The following ZNF600 variants were observed in gnomAD, a reference collection of about 807,000 sequenced individuals.
ZNF600 encodes zinc finger protein 600, also known as zinc finger protein KR-ZNF1.
Under a neutral mutation model 7.3 loss-of-function variants are expected in ZNF600, and 4 were observed. The ratio of observed to expected loss-of-function variants is 0.55; its 90% CI spans 0.27 to 1.25. ZNF600 has a LOEUF of 1.25. ZNF600 is among the 50% of genes most tolerant of loss of function. ZNF600 has a pLI of 0.12. For synonymous variants in ZNF600, 290 were observed against 308.9 expected, an observed-to-expected ratio of 0.94 and a Z score of 0.64; for missense variants, 911 against 922.1, an observed-to-expected ratio of 0.99 and a Z score of 0.16.
intron 1 of ZNF600, among the ~76,000 whole-genome samples, chr19:52,782,028 T>A (rs1471623498): frequency 6.6e-6 from 1 of 151,956 alleles, no homozygotes; most frequent in African/African-American, 2.4e-5. Flanking sequence ...GCCACTGCAC[T>A]CCAGCCTGGG....
chr19:52,766,476 G>A, exon 4 of ZNF600: 1 of 1,614,030 alleles, frequency 6.2e-7, no homozygotes, highest in Non-Finnish European at 8.5e-7. Flanking sequence ...TAGAAGATCT[G>A]AATTTTGACC....
At chr19:52,773,869 TA>T (rs879759131) in intron 3 of ZNF600, among the ~76,000 whole-genome samples, 150 of 142,178 alleles carry the variant, frequency 1.1e-3, no homozygotes, top group Admixed American at 1.1e-3. Context: ...ATACTCCATC[TA>T]AAAAAAAAAA....
At chr19:52,788,528 G>C (rs1243739478), upstream of ZNF600, among the ~76,000 whole-genome samples, 1 of 152,128 alleles carries the variant, frequency 6.6e-6, no homozygotes, top group Middle Eastern at 3.2e-3. Context: ...ATGGTTCTCT[G>C]CTGCCCACTG....
At chr19:52,765,467 T>C (rs781234362) in exon 4 of ZNF600, 42 of 1,434,562 alleles carry the variant, frequency 2.9e-5, no homozygotes, top group Non-Finnish European at 3.4e-5. Context: ...CTGCAATGTA[T>C]GAATGATGTC....
At chr19:52,811,321 G>A in the ZNF600 span, among the ~76,000 whole-genome samples, 6 of 149,702 alleles carry the variant, frequency 4.0e-5, no homozygotes, top group African/African-American at 1.5e-4. Context: ...CACCCCGTCT[G>A]GGAAGTGAGG....
At chr19:52,806,734 T>C in the ZNF600 span, among the ~76,000 whole-genome samples, 1 of 151,826 alleles carries the variant, frequency 6.6e-6, no homozygotes, top group Non-Finnish European at 1.5e-5. Flanking sequence ...AAACACTGTC[T>C]CTACTAAAAA....
chr19:52,800,818 C>T, the ZNF600 span: 17 of 1,613,760 alleles, frequency 1.1e-5, no homozygotes, highest in African/African-American at 4.0e-5. Context: ...GTATGTTTTG[C>T]TAGGTATGAA....
exon 4 of ZNF600, chr19:52,766,760 A>C: frequency 1.2e-6 from 2 of 1,614,022 alleles, no homozygotes; most frequent in Non-Finnish European, 1.7e-6. Flanking sequence ...CACAAACCTT[A>C]CATTTGTATG....
At chr19:52,819,594 C>G in the ZNF600 span, among the ~76,000 whole-genome samples, 4 of 88,892 alleles carry the variant, frequency 4.5e-5, no homozygotes, top group East Asian at 8.4e-4. Context: ...CTCACTGGGG[C>G]TCAGAGCTGG....
the ZNF600 span, chr19:52,799,121 A>G: frequency 2.4e-6 from 1 of 414,324 alleles, no homozygotes; most frequent in Non-Finnish European, 4.7e-6. Flanking sequence ...CTGCAGTATG[A>G]AGACTATGAT....
At chr19:52,786,187 A>T (rs940881242) in intron 1 of ZNF600, among the ~76,000 whole-genome samples, 4 of 118,556 alleles carry the variant, frequency 3.4e-5, no homozygotes, top group African/African-American at 1.3e-4. Context: ...CTGGTATCAT[A>T]GGACAAGCCC....
At chr19:52,817,563 T>C in the ZNF600 span, among the ~76,000 whole-genome samples, 88,497 of 151,330 alleles carry the variant, frequency 0.58, 27,064 homozygotes, top group Non-Finnish European at 0.69. Flanking sequence ...CCACGTACTT[T>C]GTGCACATTA....
chr19:52,787,776 A>C (rs1261581745), upstream of ZNF600, among the ~76,000 whole-genome samples: 5 of 146,180 alleles, frequency 3.4e-5, no homozygotes, highest in Admixed American at 7.0e-5. Flanking sequence ...AGGAGAATGG[A>C]GTGAACCCGG....
the ZNF600 span, among the ~76,000 whole-genome samples, chr19:52,806,344 C>A: frequency 6.6e-6 from 1 of 151,888 alleles, no homozygotes; most frequent in Non-Finnish European, 1.5e-5. Flanking sequence ...CAGCCACCCA[C>A]CACGGCGCCT....
the ZNF600 span, among the ~76,000 whole-genome samples, chr19:52,797,175 T>G: frequency 2.0e-5 from 3 of 152,170 alleles, no homozygotes; most frequent in African/African-American, 4.8e-5. Context: ...TTTCACAAAA[T>G]TCAACATCAT....
chr19:52,803,488 T>A, the ZNF600 span, among the ~76,000 whole-genome samples: 2,419 of 152,176 alleles, frequency 0.016, 72 homozygotes, highest in African/African-American at 0.056. Context: ...CAACCCATGA[T>A]AAAACAAGCA....
At chr19:52,799,098 T>C in the ZNF600 span, 1 of 422,834 alleles carries the variant, frequency 2.4e-6, no homozygotes, top group Non-Finnish European at 4.6e-6. Flanking sequence ...GTCTTCACAT[T>C]TGTAAGATTT....
chr19:52,814,013 T>C, the ZNF600 span, among the ~76,000 whole-genome samples: 1 of 146,462 alleles, frequency 6.8e-6, no homozygotes, highest in African/African-American at 2.7e-5. Context: ...AAAATAAAAA[T>C]TGTTTGGACT....
chr19:52,822,807 A>C, the ZNF600 span, among the ~76,000 whole-genome samples: 13 of 152,172 alleles, frequency 8.5e-5, no homozygotes, highest in Non-Finnish European at 1.3e-4. Flanking sequence ...TGCCGTCTCT[A>C]GTGAGGCTGC....
Sources: allele counts gnomAD v4.1 joint callset (sites outside exome capture counted in the v4.1 genomes callset), GRCh38; gene constraint gnomAD v4.1.1; transcripts MANE v1.5; gene names NCBI Gene and HGNC (gene_info 2026-07-23, HGNC 2026-07-21).